The following CSMD1 variants were observed in gnomAD, a reference collection of about 807,000 sequenced individuals.
The protein encoded by CSMD1 is CUB and Sushi multiple domains 1, also known as CUB and sushi domain-containing protein 1.
In CSMD1, 213 loss-of-function variants were observed where a neutral mutation model predicts 417.5. The ratio of observed to expected loss-of-function variants is 0.51; its 90% CI spans 0.46 to 0.57. CSMD1 has a LOEUF of 0.57. Ranked by LOEUF, CSMD1 falls within the 20% of genes least tolerant of loss-of-function variation. The probability of loss-of-function intolerance (pLI) is 0.00; values close to 1 mark genes in which losing one functional copy is unlikely to be tolerated. For missense variants in CSMD1, 6,923 were observed against 4,529.7 expected, an observed-to-expected ratio of 1.53 and a Z score of -15.17; for synonymous variants, 2,862 against 1,736.8, an observed-to-expected ratio of 1.65 and a Z score of -16.11.
In CSMD1 at chr8:4,769,790, C is replaced by T. The variant is rs114161839; in HGVS notation, c.86-132232G>A. Among the ~76,000 whole-genome samples the T allele has an allele frequency of 1.1e-4, 16 of 152,178 alleles. No homozygotes were observed. The East Asian group carries it at 1.5e-3, about 15-fold the overall frequency. Reference sequence around the variant, plus strand: ...TTGCCTTTTACAATGTGAATTGCCACGTTTAGCATTTTCTACTTGGCATTT... The same window carrying T: ...TTGCCTTTTACAATGTGAATTGCCATGTTTAGCATTTTCTACTTGGCATTT... On this transcript the variant is annotated intron_variant, in intron 1 of 69. Coordinates refer to ENST00000635120, the MANE Select transcript of CSMD1 (RefSeq NM_033225.6).
intron 3 of CSMD1, among the ~76,000 whole-genome samples, chr8:4,322,701 A>G (rs1225413806): frequency 2.6e-5 from 4 of 152,224 alleles, no homozygotes; most frequent in Non-Finnish European, 5.9e-5. Flanking sequence ...GACAAGGTTG[A>G]AAATGCAGTA....
At chr8:4,498,671 G>T (rs1403663893) in intron 2 of CSMD1, among the ~76,000 whole-genome samples, 1 of 152,182 alleles carries the variant, frequency 6.6e-6, no homozygotes, top group Non-Finnish European at 1.5e-5. Context: ...GGGAGCTCAT[G>T]TTTATCGAGT....
At chr8:4,837,362 G>T (rs546023590) in intron 1 of CSMD1, among the ~76,000 whole-genome samples, 4 of 152,128 alleles carry the variant, frequency 2.6e-5, no homozygotes, top group Non-Finnish European at 5.9e-5. Flanking sequence ...TCCATCAACA[G>T]ATGATAAAGA....
chr8:3,681,443 T>A (rs936510949), intron 7 of CSMD1, among the ~76,000 whole-genome samples: 1 of 151,990 alleles, frequency 6.6e-6, no homozygotes, highest in Admixed American at 6.6e-5. Flanking sequence ...TTGACAATTG[T>A]TTCAAAGAGA....
At chr8:4,720,668 T>G (rs1808993362) in intron 1 of CSMD1, among the ~76,000 whole-genome samples, 1 of 152,212 alleles carries the variant, frequency 6.6e-6, no homozygotes, top group Non-Finnish European at 1.5e-5. Flanking sequence ...TTGATCCACC[T>G]GCCTTGGCTT....
rs146419366 is a variant in CSMD1 at position 3,961,977 on chromosome 8, A to G, written c.818+35926T>C. On this transcript the variant is annotated intron_variant, in intron 5 of 69. Coordinates refer to ENST00000635120, the MANE Select transcript of CSMD1 (RefSeq NM_033225.6). Reference sequence around the variant, plus strand: ...ATATTGAAAGGAAAAGCAATGCAGCAAAACATCACAAAGTTGCACAAAGAC... The same window carrying G: ...ATATTGAAAGGAAAAGCAATGCAGCGAAACATCACAAAGTTGCACAAAGAC... 3.2e-3 allele frequency among the ~76,000 whole-genome samples: 480 copies of G among 152,324 alleles called. 4 individuals are homozygous for G. Among genetic ancestry groups the G allele is most frequent in the African/African-American group, 0.011 (463 of 41,586 alleles).
intron 3 of CSMD1, among the ~76,000 whole-genome samples, chr8:4,121,671 C>G (rs1585360184): frequency 6.7e-6 from 1 of 149,658 alleles, no homozygotes; most frequent in East Asian, 2.0e-4. Flanking sequence ...CCAAGATTTT[C>G]TAATTTCAAA....
intron 10 of CSMD1, among the ~76,000 whole-genome samples, chr8:3,562,176 G>A (rs1226912886): frequency 6.6e-6 from 1 of 152,138 alleles, no homozygotes; most frequent in Non-Finnish European, 1.5e-5. Flanking sequence ...AGTAGTAGGT[G>A]GGGAAAGATG....
intron 1 of CSMD1, among the ~76,000 whole-genome samples, chr8:4,753,117 G>A (rs1233386674): frequency 2.0e-5 from 3 of 152,016 alleles, no homozygotes; most frequent in African/African-American, 7.2e-5. Context: ...ACATTTTATG[G>A]ATAAGAAAAG....
At chr8:4,507,183 C>T (rs1295551208) in intron 2 of CSMD1, among the ~76,000 whole-genome samples, 1 of 152,106 alleles carries the variant, frequency 6.6e-6, no homozygotes, top group Non-Finnish European at 1.5e-5. Flanking sequence ...AAAAGTATTG[C>T]CATCTGTTTG....
At chr8:3,752,635 C>T (rs774078069) in intron 6 of CSMD1, among the ~76,000 whole-genome samples, 44 of 128,636 alleles carry the variant, frequency 3.4e-4, no homozygotes, top group Non-Finnish European at 5.8e-4. Flanking sequence ...GCCCAGACAA[C>T]AGAGCAAGAC....
At chr8:4,350,321 A>C (rs1050419445) in intron 3 of CSMD1, among the ~76,000 whole-genome samples, 7 of 152,212 alleles carry the variant, frequency 4.6e-5, no homozygotes, top group Non-Finnish European at 8.8e-5. Flanking sequence ...TAACAGGCTG[A>C]CACACCTGAG....
At chr8:3,781,159 G>C (rs1461681191) in intron 5 of CSMD1, among the ~76,000 whole-genome samples, 2 of 152,106 alleles carry the variant, frequency 1.3e-5, no homozygotes, top group African/African-American at 4.8e-5. Flanking sequence ...GTCCAAACAA[G>C]ACAAAGATTG....
In CSMD1 at chr8:3,343,295, G is replaced by C. The variant is rs757979114; in HGVS notation, c.3630C>G (p.Thr1210=). The C allele has an allele frequency of 3.1e-6, 5 of 1,612,636 alleles. No individual in the cohort carries two copies. The highest frequency in any genetic ancestry group is 4.2e-6 in the Non-Finnish European group (5 of 1,178,754). Residue 1210 remains threonine, a splice_region_variant and synonymous_variant, in exon 23 of 70, where the codon ACC becomes ACG. Transcript: ENST00000635120. The part of the protein sequence containing the change: ...DTDQGFQLTY[T]SFDLVKCEDP... ...GTGATTAAGTCGTATGTTACTTACT[G>C]GTATAGGTGAGTTGAAAACCTTGGT...
chr8:4,527,843 C>G (rs1191771246), intron 2 of CSMD1, among the ~76,000 whole-genome samples: 1 of 152,168 alleles, frequency 6.6e-6, no homozygotes, highest in Non-Finnish European at 1.5e-5. Flanking sequence ...CAGCCTGTGT[C>G]TTTAAATGGA....
At chr8:4,615,641 TA>T (rs528457861) in intron 2 of CSMD1, among the ~76,000 whole-genome samples, 43 of 152,262 alleles carry the variant, frequency 2.8e-4, no homozygotes, top group African/African-American at 1.0e-3. Flanking sequence ...ATAATAAATA[TA>T]TTTTTTTGTG....
At chr8:4,449,084 G>C (rs961416722) in intron 2 of CSMD1, among the ~76,000 whole-genome samples, 2 of 152,204 alleles carry the variant, frequency 1.3e-5, no homozygotes, top group East Asian at 1.9e-4. Context: ...TTTCTAAGGA[G>C]ATTGAATAGC....
intron 50 of CSMD1, among the ~76,000 whole-genome samples, chr8:3,051,184 T>C (rs1031635199): frequency 3.9e-5 from 6 of 152,194 alleles, no homozygotes; most frequent in African/African-American, 7.2e-5. Context: ...ATAGCAAAGA[T>C]ATGGAATCAA....
At chr8:3,927,274 C>G (rs1450926958) in intron 5 of CSMD1, among the ~76,000 whole-genome samples, 1 of 151,862 alleles carries the variant, frequency 6.6e-6, no homozygotes, top group Non-Finnish European at 1.5e-5. Context: ...CAGACATAAG[C>G]TAATAATTAT....
Sources: allele counts gnomAD v4.1 joint callset (sites outside exome capture counted in the v4.1 genomes callset), GRCh38; gene constraint gnomAD v4.1.1; transcripts MANE v1.5; gene names NCBI Gene and HGNC (gene_info 2026-07-23, HGNC 2026-07-21).